The following RAP1GAP variants were observed in gnomAD, a reference collection of about 807,000 sequenced individuals.
The protein encoded by RAP1GAP is RAP1 GTPase activating protein, also known as rap1 GTPase-activating protein 1.
In RAP1GAP, 35 loss-of-function variants were observed where a neutral mutation model predicts 87.2. The ratio of observed to expected loss-of-function variants is 0.40; its 90% CI spans 0.31 to 0.53. RAP1GAP has a LOEUF of 0.53. RAP1GAP is among the 20% of genes least tolerant of loss of function. The pLI is 0.48. For synonymous variants in RAP1GAP, 375 were observed against 363.9 expected (o/e 1.03, Z -0.35); for missense variants, 734 against 898.9 (o/e 0.82, Z 2.35).
chr1:21,634,082 G>A lies in RAP1GAP; in HGVS notation c.-112-7685C>T, dbSNP rs1391358382. On this transcript the variant is annotated intron_variant, in intron 2 of 24. Transcript: ENST00000374765. This position sits in a 1 kb window ranked among gnomAD's most constrained non-coding sequence, Gnocchi z 4.1. ...CCGGGGGGGGGGGGGGGCCACAGAA[G>A]CCCATTGTTTTCTGAGCTCAACCAG... Among the ~76,000 whole-genome samples, 1 of 146,358 alleles carries A rather than the reference G, an allele frequency of 6.8e-6. No individual in the cohort carries two copies. Among genetic ancestry groups the A allele is most frequent in the African/African-American group, 2.6e-5 (1 of 38,102 alleles).
rs146566430 is a variant in RAP1GAP, at chr1:21,602,408, T to C, written c.1538+396A>G. Among the ~76,000 whole-genome samples, 252 of 152,346 alleles carry C rather than the reference T, an allele frequency of 1.7e-3. 1 individual carries two copies. Among genetic ancestry groups the C allele is most frequent in the Admixed American group, 4.8e-3 (73 of 15,312 alleles). ...TGCTGGCCTGGGCTCACTGCCCTCA[T>C]GCTGCCCACACTCATGGACCCCCCA... On this transcript the variant is annotated intron_variant, in intron 19 of 24. Transcript: ENST00000374765.
intron 3 of RAP1GAP, among the ~76,000 whole-genome samples, chr1:21,624,871 G>C (rs139091657): frequency 0.015 from 2,305 of 152,150 alleles, 69 homozygotes; most frequent in African/African-American, 0.051. Flanking sequence ...CTCCTGATGG[G>C]AAGACTGAGG....
chr1:21,606,335 T>C, intron 17 of RAP1GAP, 138 bp from the exon 18 acceptor site: 1 of 1,305,810 alleles, frequency 7.7e-7, no homozygotes, highest in Non-Finnish European at 1.0e-6. Context: ...CCCCTGGGCA[T>C]GTGGCCAGCA....
At chr1:21,618,688 A>G (rs1350162622) in intron 5 of RAP1GAP, among the ~76,000 whole-genome samples, 3 of 152,144 alleles carry the variant, frequency 2.0e-5, no homozygotes, top group African/African-American at 7.2e-5. Flanking sequence ...AACATTTGGC[A>G]GCAGCTGTCT....
Position 21,601,802 on chromosome 1 carries a change from G to C in RAP1GAP, c.1539-5C>G. On this transcript the variant is annotated splice_region_variant and splice_polypyrimidine_tract_variant and intron_variant, in intron 19 of 24. Transcript: ENST00000374765. Reference sequence around the variant, plus strand: ...TGACCAGCCGGAGGGCTCTCCCTGCGGGGCACACGGGGGCAGCGGGGGGAT... The same window carrying C: ...TGACCAGCCGGAGGGCTCTCCCTGCCGGGCACACGGGGGCAGCGGGGGGAT... 2.5e-6 allele frequency: 4 copies of C among 1,579,508 alleles called. No individual in the cohort carries two copies. The highest frequency in any genetic ancestry group is 1.3e-5 in the African/African-American group (1 of 74,252).
chr1:21,598,160 A>AC lies in RAP1GAP; in HGVS notation c.1880-97dup, dbSNP rs1646331029. On this transcript the variant is annotated intron_variant, in intron 22 of 24. Coordinates refer to ENST00000374765, the MANE Select transcript of RAP1GAP (RefSeq NM_002885.4). Reference sequence around the variant, plus strand: ...GGGCGGTCGGCACCAGTGCGCTCCAACCCCACCCTTAACTTTCTTCCTTGC... The same window carrying AC: ...GGGCGGTCGGCACCAGTGCGCTCCAACCCCCACCCTTAACTTTCTTCCTTGC... The AC allele has an allele frequency of 3.6e-6, 3 of 838,118 alleles. No individual in the cohort carries two copies. The African/African-American group carries it at 5.2e-5, about 14-fold the overall frequency. The allele number at this position is 838,118 out of a possible 1,614,324, so 51.9% of individuals were successfully genotyped here. A position where few individuals can be genotyped will look rare whatever the true frequency, so the allele number is the denominator to read the frequency against.
At chr1:21,604,697 G>A (rs2072500613) in intron 18 of RAP1GAP, among the ~76,000 whole-genome samples, 1 of 152,010 alleles carries the variant, frequency 6.6e-6, no homozygotes, top group Non-Finnish European at 1.5e-5. Context: ...AGCAGAGGTC[G>A]GGGAATTCCC....
At position 21,649,807 on chromosome 1, in the gene RAP1GAP, A is replaced by C; in HGVS notation, c.-148-11T>G. On this transcript the variant is annotated splice_polypyrimidine_tract_variant and intron_variant, in intron 1 of 24. Coordinates refer to ENST00000374765, the MANE Select transcript of RAP1GAP (RefSeq NM_002885.4). ...AAGGACTTGTCCACCCTGAAACACAACAAGAGGGGCCATAGGTGAGGGGAC... is the reference window on the plus strand; with the variant it reads ...AAGGACTTGTCCACCCTGAAACACACCAAGAGGGGCCATAGGTGAGGGGAC... 1 of 1,551,852 alleles carries C rather than the reference A, an allele frequency of 6.4e-7. No individual in the cohort carries two copies. The highest frequency in any genetic ancestry group is 2.4e-5 in the East Asian group (1 of 40,928).
Position 21,596,608 on chromosome 1 carries a change from G to A in RAP1GAP, c.*691C>T, listed in dbSNP as rs1034509074. 6.6e-6 allele frequency: 1 copy of A among 152,340 alleles called. No homozygotes were observed. The highest frequency in any genetic ancestry group is 2.4e-5 in the African/African-American group (1 of 41,460). The allele number at this position is 152,340 out of a possible 1,614,324, so 9.4% of individuals were successfully genotyped here. ...ACTGGAGGGTCCAGGAGGCATACTG[G>A]GCACAGCCGGCTCCCTGCCCCTCAG... On this transcript the variant is annotated 3_prime_UTR_variant, in exon 25 of 25. Transcript: ENST00000374765.
intron 3 of RAP1GAP, among the ~76,000 whole-genome samples, chr1:21,625,792 C>T (rs1049274498): frequency 3.0e-4 from 46 of 152,128 alleles, no homozygotes; most frequent in African/African-American, 1.1e-3. Context: ...GGTTTCTGGT[C>T]GCTTGGCACC....
chr1:21,617,991 G>C lies in RAP1GAP; in HGVS notation c.67-19C>G. 1 of 1,614,048 alleles carries C rather than the reference G, an allele frequency of 6.2e-7. No homozygotes were observed. ...CCTCTGTCTGCAAAACACAAACAGG[G>C]CAAGGGTCTCTCCATCTGTCCATCC... On this transcript the variant is annotated intron_variant, in intron 5 of 24. Transcript: ENST00000374765.
intron 1 of RAP1GAP, among the ~76,000 whole-genome samples, chr1:21,664,476 C>A (rs1447350748): frequency 6.6e-6 from 1 of 152,180 alleles, no homozygotes; most frequent in Non-Finnish European, 1.5e-5. Flanking sequence ...TTCCATGAAT[C>A]CAACCCAGTG....
At chr1:21,650,533 G>A (rs917850625) in intron 1 of RAP1GAP, among the ~76,000 whole-genome samples, 6 of 152,312 alleles carry the variant, frequency 3.9e-5, no homozygotes, top group East Asian at 1.9e-4. Context: ...CAAACAACTC[G>A]CCTCCTGCCC....
intron 2 of RAP1GAP, among the ~76,000 whole-genome samples, chr1:21,628,778 C>T (rs2093049178): frequency 6.6e-6 from 1 of 151,990 alleles, no homozygotes. Context: ...ACCCCAGCTA[C>T]TTGGGAGGCT....
chr1:21,635,820 C>T (rs942582576), intron 2 of RAP1GAP, among the ~76,000 whole-genome samples: 1 of 152,246 alleles, frequency 6.6e-6, no homozygotes, highest in Non-Finnish European at 1.5e-5. Context: ...ACAGTGTGTG[C>T]AGGATTAAGT....
At chr1:21,621,550 A>C (rs2087581119) in intron 3 of RAP1GAP, among the ~76,000 whole-genome samples, 1 of 152,224 alleles carries the variant, frequency 6.6e-6, no homozygotes, top group South Asian at 2.1e-4. Flanking sequence ...ACCCATGGTC[A>C]CCTATGGTCA....
In RAP1GAP at chr1:21,603,105, G is replaced by C. The variant is rs192014264; in HGVS notation, c.1429-192C>G. The C allele has an allele frequency of 4.2e-5, 24 of 573,616 alleles. No individual in the cohort carries two copies. In the East Asian group the frequency reaches 6.6e-4, roughly 16 times the overall value. 35.5% of individuals were successfully genotyped at this position (573,616 alleles called of 1,614,324 possible). The stretch of plus-strand genomic sequence containing the variant: ...GGGAAACAGTCCCCAGGAGGGCAAG[G>C]GGCTCTCCCGAGCTCACACGGCAGG... On this transcript the variant is annotated intron_variant, in intron 18 of 24. Transcript: ENST00000374765. The surrounding 1 kb of genome is among the most constrained non-coding windows in gnomAD (Gnocchi z 6.0).
chr1:21,636,388 C>A (rs1375224019), intron 2 of RAP1GAP, among the ~76,000 whole-genome samples: 2 of 152,266 alleles, frequency 1.3e-5, no homozygotes, highest in Non-Finnish European at 2.9e-5. Context: ...ATGAGCATTT[C>A]TTGGCCTTCC....
At chr1:21,651,950 G>A (rs1558887005) in intron 1 of RAP1GAP, 1 of 820,040 alleles carries the variant, frequency 1.2e-6, no homozygotes, top group Non-Finnish European at 1.5e-6. Flanking sequence ...GCGCCCCAGC[G>A]GGCCGCGGTC....
Sources: gnomAD v4.1 joint callset for allele counts (sites outside exome capture counted in the v4.1 genomes callset) on GRCh38, gnomAD v4.1.1 for gene constraint, Gnocchi (gnomAD v3.1) non-coding constraint, MANE v1.5 for transcripts, NCBI Gene and HGNC (gene_info 2026-07-23, HGNC 2026-07-21) for gene names.